Variants in SEPTIN2 observed in about 807,000 individuals in gnomAD.
The protein encoded by SEPTIN2 is septin-2.
A neutral mutation model predicts 46.5 loss-of-function variants in SEPTIN2; 34 were observed. The ratio of observed to expected loss-of-function variants is 0.73; its 90% confidence interval spans 0.56 to 0.97. The LOEUF is 0.97. Among genes scored for constraint, SEPTIN2 ranks in the 50% least tolerant of loss-of-function variants. The pLI is 0.00. For missense variants in SEPTIN2, 347 were observed against 448.4 expected (o/e 0.77, Z 2.04); for synonymous variants, 175 against 153.4 (o/e 1.14, Z -1.04).
chr2:241,336,931 TA>T (rs1322840601), intron 5 of SEPTIN2: 9 of 161,164 alleles, frequency 5.6e-5, no homozygotes, highest in Non-Finnish European at 4.3e-5. Flanking sequence ...CTGTCTCTAC[TA>T]AAAATACAAA....
intron 1 of SEPTIN2, among the ~76,000 whole-genome samples, chr2:241,322,512 C>T (rs2077281671): frequency 1.3e-5 from 2 of 151,056 alleles, no homozygotes; most frequent in Non-Finnish European, 2.9e-5. Flanking sequence ...GAGGCTGAGG[C>T]AGGAGAAGGG....
In SEPTIN2 at chr2:241,346,263, GC is replaced by G; in HGVS notation, c.926+18del. On this transcript the variant is annotated intron_variant, in intron 10 of 12. Transcript: ENST00000391971. ...GAGAGGCGGCAGGTCATCACACTGT[GC>G]CCCTTTCTCTGTATTGTGTCACCCT... 6.2e-7 allele frequency: 1 copy of G among 1,609,258 alleles called. No homozygotes were observed. Among genetic ancestry groups the G allele is most frequent in the Admixed American group, 1.7e-5 (1 of 59,956 alleles).
intron 7 of SEPTIN2, among the ~76,000 whole-genome samples, chr2:241,342,022 G>A (rs1467299812): frequency 1.3e-5 from 2 of 152,136 alleles, no homozygotes; most frequent in Admixed American, 6.5e-5. Flanking sequence ...TGCTTGATAG[G>A]TCCGATTGTG....
intron 7 of SEPTIN2, among the ~76,000 whole-genome samples, chr2:241,338,933 T>C (rs1249838280): frequency 1.0e-5 from 1 of 98,656 alleles, no homozygotes; most frequent in South Asian, 2.6e-4. Context: ...GTACATATAT[T>C]TATTATATAT....
At chr2:241,331,714 T>C (rs1408045190) in intron 3 of SEPTIN2, among the ~76,000 whole-genome samples, 1 of 152,156 alleles carries the variant, frequency 6.6e-6, no homozygotes, top group East Asian at 1.9e-4. Flanking sequence ...GAAATAAAAA[T>C]TAACAAGCTG....
At chr2:241,336,285 G>T (rs1039367260) in intron 5 of SEPTIN2, 187 bp downstream of exon 5, 79 of 607,702 alleles carry the variant, frequency 1.3e-4, no homozygotes, top group South Asian at 7.2e-4. Context: ...TTTTTTTCTG[G>T]TACTCTACTG....
At chr2:241,346,592 TAA>T (rs75325416) in intron 10 of SEPTIN2, 6 of 148,820 alleles carry the variant, frequency 4.0e-5, no homozygotes, top group South Asian at 2.1e-4. Context: ...TACAAAAATT[TAA>T]AAAAAAAAAA....
At chr2:241,339,220 T>C (rs960032437) in intron 7 of SEPTIN2, among the ~76,000 whole-genome samples, 2 of 150,622 alleles carry the variant, frequency 1.3e-5, no homozygotes, top group Admixed American at 6.7e-5. Flanking sequence ...ATGGCAAAAC[T>C]CCGTCTCTAA....
intron 7 of SEPTIN2, 92 bp downstream of exon 7, chr2:241,337,882 AGGTGTCG>A (rs1235126847): frequency 1.3e-6 from 1 of 773,314 alleles, no homozygotes; most frequent in Non-Finnish European, 2.1e-6. Context: ...CAGTCTGCTC[AGGTGTCG>A]GGAGGCAGGG....
intron 10 of SEPTIN2, among the ~76,000 whole-genome samples, chr2:241,347,595 A>G (rs1286493583): frequency 6.6e-6 from 1 of 152,224 alleles, no homozygotes; most frequent in Non-Finnish European, 1.5e-5. Context: ...GATAATACCT[A>G]TTTTTGAGTG....
Position 241,335,132 on chromosome 2 carries a change from C to G in SEPTIN2, c.137C>G (p.Ser46Ter). ...TTTTTCTTTTTATTTAAAGGTGAAT[C>G]AGGTCTAGGAAAATCGACTCTCATA... ...FEFTLMVVGE[S>*]GLGKSTLINS... is the part of the protein sequence containing the mutation. The change falls in exon 4 of 13, where the codon TCA becomes TGA. Residue 46 changes from serine (S) to a stop codon, truncating the protein, a stop_gained. Transcript: ENST00000391971. LOFTEE classifies it high-confidence loss of function. 6.2e-7 allele frequency: 1 copy of G among 1,610,324 alleles called. No homozygotes were observed. Among genetic ancestry groups the G allele is most frequent in the Non-Finnish European group, 8.5e-7 (1 of 1,176,918 alleles).
chr2:241,338,631 A>AAT (rs995971947), intron 7 of SEPTIN2, among the ~76,000 whole-genome samples: 15 of 129,716 alleles, frequency 1.2e-4, no homozygotes, highest in African/African-American at 4.4e-4. Context: ...ATAATTAATA[A>AAT]ATATATATAA....
At chr2:241,338,963 TTATAAATATAATA>T (rs1391983589) in intron 7 of SEPTIN2, among the ~76,000 whole-genome samples, 1 of 84,716 alleles carries the variant, frequency 1.2e-5, no homozygotes, top group Non-Finnish European at 2.4e-5. Flanking sequence ...ATAATATATA[TTATAAATATAATA>T]TATAAATATA....
rs184949339 is a variant in SEPTIN2, at chr2:241,322,839, G to C, written c.-17-1377G>C. Among the ~76,000 whole-genome samples the C allele has an allele frequency of 5.9e-5, 9 of 152,166 alleles. No homozygotes were observed. In the East Asian group the frequency reaches 1.7e-3, roughly 29 times the overall value. ...TATGTAATGAAGTCCCTTACTCCTTGAAAGGTTTCAAAGAGAGAGGGGAAA... is the reference window on the plus strand; with the variant it reads ...TATGTAATGAAGTCCCTTACTCCTTCAAAGGTTTCAAAGAGAGAGGGGAAA... On this transcript the variant is annotated intron_variant, in intron 1 of 12. Coordinates refer to ENST00000391971, the MANE Select transcript of SEPTIN2 (RefSeq NM_004404.5).
rs1396852233 is a variant in SEPTIN2 at position 241,337,520 on chromosome 2, A to G, written c.476+4A>G. On this transcript the variant is annotated splice_donor_region_variant and intron_variant, in intron 6 of 12. Transcript: ENST00000391971. ...TTATTTCACCTTTTGGACATGGGTAAGTAATTGTTTATCGTGGAGAAATGC... is the reference window on the plus strand; with the variant it reads ...TTATTTCACCTTTTGGACATGGGTAGGTAATTGTTTATCGTGGAGAAATGC... 1.9e-6 allele frequency: 3 copies of G among 1,613,390 alleles called. No homozygotes were observed. The highest frequency in any genetic ancestry group is 2.5e-6 in the Non-Finnish European group (3 of 1,179,562).
intron 11 of SEPTIN2, among the ~76,000 whole-genome samples, chr2:241,349,177 G>A (rs1394368771): frequency 6.6e-6 from 1 of 151,956 alleles, no homozygotes; most frequent in African/African-American, 2.4e-5. Flanking sequence ...TAGGGCAACA[G>A]AGTGAGACCC....
At chr2:241,320,853 C>T (rs1459110165) in intron 1 of SEPTIN2, among the ~76,000 whole-genome samples, 1 of 152,014 alleles carries the variant, frequency 6.6e-6, no homozygotes, top group East Asian at 1.9e-4. Context: ...CCTCATAATT[C>T]ATTTTTTCTC....
chr2:241,328,086 T>G (rs887633744), intron 3 of SEPTIN2, among the ~76,000 whole-genome samples: 6 of 151,946 alleles, frequency 3.9e-5, no homozygotes, highest in Non-Finnish European at 8.8e-5. Flanking sequence ...ACAAAGAAAT[T>G]TATTACATAC....
intron 9 of SEPTIN2, among the ~76,000 whole-genome samples, chr2:241,344,579 G>A (rs916297060): frequency 3.9e-5 from 6 of 152,106 alleles, no homozygotes; most frequent in African/African-American, 1.2e-4. Context: ...GTGCGCACCT[G>A]TAATCCCAGC....
Sources: gnomAD v4.1 joint callset for allele counts (sites outside exome capture counted in the v4.1 genomes callset) on GRCh38, gnomAD v4.1.1 for gene constraint, MANE v1.5 for transcripts, NCBI Gene and HGNC (gene_info 2026-07-23, HGNC 2026-07-21) for gene names.